The following GORASP1 variants were observed in gnomAD, a reference collection of about 807,000 sequenced individuals.
GORASP1 encodes the protein golgi reassembly stacking protein 1, also known as Golgi reassembly-stacking protein 1.
Under a neutral mutation model 37.7 loss-of-function variants are expected in GORASP1, and 31 were observed. The observed-to-expected ratio is 0.82, with a 90% CI of 0.62 to 1.11. GORASP1 has a LOEUF of 1.11. GORASP1 is among the 50% of genes least tolerant of loss of function. The pLI is 0.00. For synonymous variants in GORASP1, 204 were observed against 224.8 expected, an observed-to-expected ratio of 0.91 and a Z score of 0.83; for missense variants, 476 against 560.7, an observed-to-expected ratio of 0.85 and a Z score of 1.53.
At position 39,102,890 on chromosome 3, in the gene GORASP1, G is replaced by A. The variant is rs760652108; in HGVS notation, c.145-9C>T. On this transcript the variant is annotated splice_polypyrimidine_tract_variant and intron_variant, in intron 2 of 8. Coordinates refer to ENST00000319283, the MANE Select transcript of GORASP1 (RefSeq NM_031899.4). This position sits in a 1 kb window ranked among gnomAD's most constrained non-coding sequence, Gnocchi z 5.0. ...GTGTCATTCTCCTTGTTCTGTGGGGGCAATGGGGCTGACTCCAAGGCCACC... is the reference window on the plus strand; with the variant it reads ...GTGTCATTCTCCTTGTTCTGTGGGGACAATGGGGCTGACTCCAAGGCCACC... 3.7e-6 allele frequency: 6 copies of A among 1,613,596 alleles called. No homozygotes were observed.
chr3:39,101,391 A>G lies in GORASP1; in HGVS notation c.349-289T>C, dbSNP rs551280905. On this transcript the variant is annotated intron_variant, in intron 3 of 8. Transcript: ENST00000319283. ...CAGCTGCCCAGCTATATGACTATAAACACATTATTGAACCTCTCCTAGCCT... is the reference window on the plus strand; with the variant it reads ...CAGCTGCCCAGCTATATGACTATAAGCACATTATTGAACCTCTCCTAGCCT... 1.0e-4 allele frequency: 59 copies of G among 580,794 alleles called. No homozygotes were observed. In the African/African-American group the frequency reaches 1.0e-3, roughly 10 times the overall value. The allele number at this position is 580,794 out of a possible 1,614,324, so 36.0% of individuals were successfully genotyped here.
Position 39,097,743 on chromosome 3 carries a change from T to TA in GORASP1, c.*492dup. ...CCTCCCTCCAGGAGATGGGGGCAAGTACACTGCCTCTCTCTCCCTCCTGTG... is the reference window on the plus strand; with the variant it reads ...CCTCCCTCCAGGAGATGGGGGCAAGTAACACTGCCTCTCTCTCCCTCCTGTG... On this transcript the variant is annotated 3_prime_UTR_variant, in exon 9 of 9. Coordinates refer to ENST00000319283, the MANE Select transcript of GORASP1 (RefSeq NM_031899.4). 1 of 154,194 alleles carries TA rather than the reference T, an allele frequency of 6.5e-6. No homozygotes were observed. Among genetic ancestry groups the TA allele is most frequent in the South Asian group, 2.0e-4 (1 of 4,902 alleles). The allele number at this position is 154,194 out of a possible 1,614,324, so 9.6% of individuals were successfully genotyped here.
In GORASP1 at chr3:39,105,090, T is replaced by C. The variant is rs2035959457; in HGVS notation, c.64-1537A>G. ...AGAGGGTCAGGCCCCAGGCCTGGCC[T>C]CCTTGACCCACCCAATACCTCCACC... On this transcript the variant is annotated intron_variant, in intron 1 of 8. Coordinates refer to ENST00000319283, the MANE Select transcript of GORASP1 (RefSeq NM_031899.4). The surrounding 1 kb of genome is among the most constrained non-coding windows in gnomAD (Gnocchi z 5.4). Among the ~76,000 whole-genome samples, 1 of 152,076 alleles carries C rather than the reference T, an allele frequency of 6.6e-6. No individual in the cohort carries two copies. Among genetic ancestry groups the C allele is most frequent in the South Asian group, 2.1e-4 (1 of 4,832 alleles).
At position 39,102,887 on chromosome 3, in the gene GORASP1, G is replaced by C. The variant is rs200716511; in HGVS notation, c.145-6C>G. The C allele has an allele frequency of 1.7e-5, 27 of 1,613,804 alleles. No homozygotes were observed. The highest frequency in any genetic ancestry group is 6.6e-5 in the South Asian group (6 of 91,086). ...AGGGTGTCATTCTCCTTGTTCTGTG[G>C]GGGCAATGGGGCTGACTCCAAGGCC... On this transcript the variant is annotated splice_region_variant and splice_polypyrimidine_tract_variant and intron_variant, in intron 2 of 8. Transcript: ENST00000319283. This position sits in a 1 kb window ranked among gnomAD's most constrained non-coding sequence, Gnocchi z 5.0.
intron 3 of GORASP1, 77 bp from the exon 4 acceptor site, chr3:39,101,179 C>T: frequency 1.6e-6 from 2 of 1,288,874 alleles, no homozygotes; most frequent in South Asian, 2.4e-5. Flanking sequence ...GGGGGAACTG[C>T]CTCTTGAGGT....
chr3:39,105,797 C>CGGTCTGCTCT lies in GORASP1; in HGVS notation c.63+1672_63+1681dup, dbSNP rs1315828310. ...TCAGGACAACAGGCAAGGTCCTACA[C>CGGTCTGCTCT]GGTCTGCTCTGGTCTCCTCCTCACA... On this transcript the variant is annotated intron_variant, in intron 1 of 8. Coordinates refer to ENST00000319283, the MANE Select transcript of GORASP1 (RefSeq NM_031899.4). This position sits in a 1 kb window ranked among gnomAD's most constrained non-coding sequence, Gnocchi z 5.4. Among the ~76,000 whole-genome samples, 1 of 152,200 alleles carries CGGTCTGCTCT rather than the reference C, an allele frequency of 6.6e-6. No homozygotes were observed. Among genetic ancestry groups the CGGTCTGCTCT allele is most frequent in the Admixed American group, 6.5e-5 (1 of 15,286 alleles).
rs1489678967 is a variant in GORASP1 at position 39,100,991 on chromosome 3, G to A, written c.435+25C>T. The A allele has an allele frequency of 7.4e-6, 12 of 1,614,000 alleles. No individual in the cohort carries two copies. Among genetic ancestry groups the A allele is most frequent in the Middle Eastern group, 3.3e-4 (2 of 6,058 alleles). ...TCACACCACATCCAGAGGGTCTGGG[G>A]AGGGGCAAATTGCGGGTTCCTCACC... On this transcript the variant is annotated intron_variant, in intron 4 of 8. Transcript: ENST00000319283. The surrounding 1 kb of genome is among the most constrained non-coding windows in gnomAD (Gnocchi z 4.6).
At position 39,097,954 on chromosome 3, in the gene GORASP1, G is replaced by A; in HGVS notation, c.*282C>T. On this transcript the variant is annotated 3_prime_UTR_variant, in exon 9 of 9. Coordinates refer to ENST00000319283, the MANE Select transcript of GORASP1 (RefSeq NM_031899.4). ...AAAGCGACCAGGCCAACACTGGACA[G>A]CAACCCCTTCCTTCCTCACCTCATC... The A allele has an allele frequency of 2.1e-6, 1 of 466,254 alleles. No individual in the cohort carries two copies. The highest frequency in any genetic ancestry group is 2.5e-5 in the South Asian group (1 of 39,850). 28.9% of individuals were successfully genotyped at this position (466,254 alleles called of 1,614,324 possible).
Position 39,102,951 on chromosome 3 carries a change from C to T in GORASP1, c.145-70G>A, listed in dbSNP as rs2035814919. The T allele has an allele frequency of 6.9e-7, 1 of 1,454,772 alleles. No homozygotes were observed. Among genetic ancestry groups the T allele is most frequent in the Non-Finnish European group, 9.7e-7 (1 of 1,035,286 alleles). The allele number at this position is 1,454,772 out of a possible 1,614,324, so 90.1% of individuals were successfully genotyped here. A position where few individuals can be genotyped will look rare whatever the true frequency, so the allele number is the denominator to read the frequency against. On this transcript the variant is annotated intron_variant, in intron 2 of 8. Transcript: ENST00000319283. This position sits in a 1 kb window ranked among gnomAD's most constrained non-coding sequence, Gnocchi z 5.0. ...GCTAGGACCCTCAGACAAGTCTGGG[C>T]CTGAGATGGGGCAAGGGCCTTAGTG... is the stretch of plus-strand genomic sequence containing the variant.
intron 1 of GORASP1, chr3:39,107,050 C>G (rs758005461): frequency 2.4e-5 from 11 of 461,184 alleles, no homozygotes; most frequent in African/African-American, 1.8e-4. Context: ...CGGTTAACCC[C>G]GGCCCCCGGG....
intron 1 of GORASP1, among the ~76,000 whole-genome samples, chr3:39,106,691 C>T (rs184371035): frequency 1.4e-3 from 220 of 152,164 alleles, no homozygotes; most frequent in African/African-American, 5.0e-3. Context: ...GGTCAGAGAC[C>T]CCCAGCCCCT....
Position 39,098,026 on chromosome 3 carries a change from A to G in GORASP1, c.*210T>C. 1.7e-6 allele frequency: 1 copy of G among 595,106 alleles called. No homozygotes were observed. The highest frequency in any genetic ancestry group is 3.0e-6 in the Non-Finnish European group (1 of 337,954). The allele number at this position is 595,106 out of a possible 1,614,324, so 36.9% of individuals were successfully genotyped here. On this transcript the variant is annotated 3_prime_UTR_variant, in exon 9 of 9. Coordinates refer to ENST00000319283, the MANE Select transcript of GORASP1 (RefSeq NM_031899.4). This position sits in a 1 kb window ranked among gnomAD's most constrained non-coding sequence, Gnocchi z 4.7. ...ACCCTGCTGCCTCCTGGGAAGCCCC[A>G]GTGACCAGAGCAGGACCAAGCACTG... is the stretch of plus-strand genomic sequence containing the variant.
intron 1 of GORASP1, among the ~76,000 whole-genome samples, chr3:39,104,264 G>A (rs1029679712): frequency 3.3e-5 from 5 of 152,194 alleles, no homozygotes; most frequent in Admixed American, 1.3e-4. Context: ...CTCCATGCCT[G>A]TGCAGGACAC....
At chr3:39,106,542 T>C (rs1017299953) in intron 1 of GORASP1, among the ~76,000 whole-genome samples, 1 of 152,134 alleles carries the variant, frequency 6.6e-6, no homozygotes, top group African/African-American at 2.4e-5. Context: ...AGCCCTCTCA[T>C]GTGGTTAGCT....
At chr3:39,106,622 G>A (rs1388539324) in intron 1 of GORASP1, among the ~76,000 whole-genome samples, 1 of 152,128 alleles carries the variant, frequency 6.6e-6, no homozygotes, top group Non-Finnish European at 1.5e-5. Context: ...TCTGCATCCA[G>A]CTGCCTTTCA....
chr3:39,104,128 C>A (rs1043483943), intron 1 of GORASP1, among the ~76,000 whole-genome samples: 1 of 152,142 alleles, frequency 6.6e-6, no homozygotes, highest in Non-Finnish European at 1.5e-5. Flanking sequence ...GAGAAGCAGA[C>A]CCCAGGGGTA....
At position 39,107,509 on chromosome 3, in the gene GORASP1, T is replaced by A; in HGVS notation, c.33A>T (p.Ala11=). The change falls in exon 1 of 9, where the codon GCA becomes GCT. Residue 11 remains alanine (A), a synonymous_variant. Coordinates refer to ENST00000319283, the MANE Select transcript of GORASP1 (RefSeq NM_031899.4). ...GGAGGTGGAAGCCCTCGGCGCCGCC[T>A]GCGGGCTGCTCAGCGCTGACGCCCA... MGLGVSAEQP[A]GGAEGFHLHG... 1 of 1,469,340 alleles carries A rather than the reference T, an allele frequency of 6.8e-7. No individual in the cohort carries two copies. The highest frequency in any genetic ancestry group is 1.3e-5 in the South Asian group (1 of 75,670). The allele number at this position is 1,469,340 out of a possible 1,614,324, so 91.0% of individuals were successfully genotyped here.
At position 39,098,042 on chromosome 3, in the gene GORASP1, C is replaced by T; in HGVS notation, c.*194G>A. The T allele has an allele frequency of 1.6e-6, 1 of 635,490 alleles. No homozygotes were observed. Among genetic ancestry groups the T allele is most frequent in the South Asian group, 1.9e-5 (1 of 51,522 alleles). 39.4% of individuals were successfully genotyped at this position (635,490 alleles called of 1,614,324 possible). ...GGAAGCCCCAGTGACCAGAGCAGGA[C>T]CAAGCACTGGACCTGAGGGTACACG... On this transcript the variant is annotated 3_prime_UTR_variant, in exon 9 of 9. Transcript: ENST00000319283. This position sits in a 1 kb window ranked among gnomAD's most constrained non-coding sequence, Gnocchi z 4.7.
rs765888466 is a variant in GORASP1 at position 39,107,005 on chromosome 3, G to A, written c.63+474C>T. On this transcript the variant is annotated intron_variant, in intron 1 of 8. Transcript: ENST00000319283. ...CTTACGACCCTACGACTGGCAGGAC[G>A]CGCGCCGACGGGCTCCCCCGCAGCT... is the stretch of plus-strand genomic sequence containing the variant. The A allele has an allele frequency of 8.4e-5, 38 of 453,482 alleles. 1 individual carries two copies. The highest frequency in any genetic ancestry group is 5.5e-4 in the South Asian group (35 of 64,032). 28.1% of individuals were successfully genotyped at this position (453,482 alleles called of 1,614,324 possible). A position where few individuals can be genotyped will look rare whatever the true frequency, so the allele number is the denominator to read the frequency against.
Sources: gnomAD v4.1 joint callset for allele counts (sites outside exome capture counted in the v4.1 genomes callset) on GRCh38, gnomAD v4.1.1 for gene constraint, Gnocchi (gnomAD v3.1) non-coding constraint, MANE v1.5 for transcripts, NCBI Gene and HGNC (gene_info 2026-07-23, HGNC 2026-07-21) for gene names.